The following EMCN variants were observed in gnomAD, a reference collection of about 807,000 sequenced individuals.
EMCN encodes endomucin.
EMCN carries 37 observed loss-of-function variants against 38.4 expected under a neutral mutation model. The ratio of observed to expected loss-of-function variants is 0.96; its 90% CI spans 0.74 to 1.27. The LOEUF is 1.27. EMCN is among the 50% of genes most tolerant of loss of function. The pLI, the probability that EMCN is intolerant of heterozygous loss-of-function variation, is 0.00. For missense variants in EMCN, 318 were observed against 302.8 expected, an observed-to-expected ratio of 1.05 and a Z score of -0.37; for synonymous variants, 95 against 100.8, an observed-to-expected ratio of 0.94 and a Z score of 0.35.
chr4:100,467,737 A>G (rs535442992), intron 3 of EMCN, among the ~76,000 whole-genome samples: 1 of 151,124 alleles, frequency 6.6e-6, no homozygotes, highest in Non-Finnish European at 1.5e-5. Flanking sequence ...CATCTTTTTG[A>G]GAAAATTTTT....
chr4:100,515,502 A>G (rs1328356636), intron 1 of EMCN, among the ~76,000 whole-genome samples: 1 of 152,134 alleles, frequency 6.6e-6, no homozygotes, highest in Non-Finnish European at 1.5e-5. Context: ...AAACAGCATG[A>G]AAGACTGTAT....
chr4:100,428,625 G>A (rs1727117058), intron 5 of EMCN, among the ~76,000 whole-genome samples: 1 of 152,124 alleles, frequency 6.6e-6, no homozygotes, highest in African/African-American at 2.4e-5. Context: ...ACTAATCACT[G>A]AATGTATAAA....
intron 1 of EMCN, among the ~76,000 whole-genome samples, chr4:100,489,105 G>C (rs1209651331): frequency 6.6e-6 from 1 of 152,104 alleles, no homozygotes; most frequent in East Asian, 1.9e-4. Context: ...GACTTTTGAA[G>C]ATGCAGTCAG....
intron 9 of EMCN, among the ~76,000 whole-genome samples, chr4:100,416,713 T>C (rs979516084): frequency 6.6e-6 from 1 of 152,190 alleles, no homozygotes; most frequent in African/African-American, 2.4e-5. Flanking sequence ...AAATCTGCTT[T>C]ATTTTAATCA....
At chr4:100,506,614 G>T (rs564564189) in intron 1 of EMCN, among the ~76,000 whole-genome samples, 1 of 150,984 alleles carries the variant, frequency 6.6e-6, no homozygotes, top group South Asian at 2.1e-4. Flanking sequence ...TTCTTTTATT[G>T]TTGTTATTGT....
chr4:100,418,518 C>T (rs1311601680), intron 8 of EMCN, among the ~76,000 whole-genome samples: 1 of 152,028 alleles, frequency 6.6e-6, no homozygotes, highest in Admixed American at 6.6e-5. Flanking sequence ...TTTTTGTACC[C>T]ATTAACCATC....
intron 1 of EMCN, among the ~76,000 whole-genome samples, chr4:100,501,120 G>A (rs6532865): frequency 0.42 from 64,127 of 151,700 alleles, 14,522 homozygotes; most frequent in East Asian, 0.71. Flanking sequence ...TTTTTTGTGT[G>A]TTTTCCTGAA....
chr4:100,505,326 T>C (rs1729455138), intron 1 of EMCN, among the ~76,000 whole-genome samples: 2 of 152,162 alleles, frequency 1.3e-5, no homozygotes, highest in Non-Finnish European at 2.9e-5. Context: ...AAAAACTCAC[T>C]GACCCTGTGG....
chr4:100,505,134 C>T (rs1729448548), intron 1 of EMCN, among the ~76,000 whole-genome samples: 1 of 152,204 alleles, frequency 6.6e-6, no homozygotes, highest in African/African-American at 2.4e-5. Flanking sequence ...TTGGAGATGG[C>T]TCACACTCCT....
chr4:100,487,419 T>C (rs1728969061), intron 1 of EMCN, among the ~76,000 whole-genome samples: 1 of 152,132 alleles, frequency 6.6e-6, no homozygotes, highest in Admixed American at 6.5e-5. Context: ...CAGCACTGCT[T>C]TGTCCCTTTT....
chr4:100,399,581 A>G (rs1726201321), intron 11 of EMCN, among the ~76,000 whole-genome samples: 1 of 152,120 alleles, frequency 6.6e-6, no homozygotes, highest in African/African-American at 2.4e-5. Flanking sequence ...TTCCCAGAGC[A>G]TCTGTGGCTG....
chr4:100,406,494 A>G (rs1389097457), intron 11 of EMCN, among the ~76,000 whole-genome samples: 1 of 152,164 alleles, frequency 6.6e-6, no homozygotes. Context: ...TTGTTTACAC[A>G]AAAGTCATTC....
At position 100,479,912 on chromosome 4, in the gene EMCN, C is replaced by T. The variant is rs1728761192; in HGVS notation, c.187+5G>A. 6.2e-7 allele frequency: 1 copy of T among 1,600,088 alleles called. No individual in the cohort carries two copies. Among genetic ancestry groups the T allele is most frequent in the Admixed American group, 1.7e-5 (1 of 57,154 alleles). On this transcript the variant is annotated splice_donor_5th_base_variant and intron_variant, in intron 2 of 11. Coordinates refer to ENST00000296420, the MANE Select transcript of EMCN (RefSeq NM_016242.4). Reference sequence around the variant, plus strand: ...TAAACTAAATTTACTAACAGTTAATCCTACCTTTAGGAGTTGTTCCAGTTG... The same window carrying T: ...TAAACTAAATTTACTAACAGTTAATTCTACCTTTAGGAGTTGTTCCAGTTG...
intron 1 of EMCN, among the ~76,000 whole-genome samples, chr4:100,511,548 GTA>G (rs1729625038): frequency 6.6e-6 from 1 of 152,140 alleles, no homozygotes; most frequent in African/African-American, 2.4e-5. Context: ...TAACCTCACA[GTA>G]TAATTCATTA....
chr4:100,424,279 G>A (rs1358519911), intron 5 of EMCN, among the ~76,000 whole-genome samples: 3 of 152,068 alleles, frequency 2.0e-5, no homozygotes, highest in Non-Finnish European at 2.9e-5. Flanking sequence ...CGTGCAGTAT[G>A]AAGTGCTCTA....
chr4:100,515,291 C>T (rs549164488), intron 1 of EMCN, among the ~76,000 whole-genome samples: 60 of 152,154 alleles, frequency 3.9e-4, no homozygotes, highest in African/African-American at 1.2e-3. Context: ...TAGATTTAAA[C>T]GCCAGGGTAG....
intron 2 of EMCN, 85 bp downstream of exon 2, chr4:100,479,832 G>T: frequency 8.9e-7 from 1 of 1,126,332 alleles, no homozygotes; most frequent in Non-Finnish European, 1.2e-6. Context: ...ATAAGATCCC[G>T]AATTATTTTT....
At chr4:100,478,685 C>A (rs1387326508) in intron 2 of EMCN, among the ~76,000 whole-genome samples, 1 of 151,878 alleles carries the variant, frequency 6.6e-6, no homozygotes, top group Admixed American at 6.6e-5. Context: ...ATATAGCTGT[C>A]TATTTTTATA....
intron 10 of EMCN, among the ~76,000 whole-genome samples, chr4:100,411,950 GTTT>G (rs548008583): frequency 2.0e-5 from 3 of 151,072 alleles, no homozygotes; most frequent in Non-Finnish European, 4.4e-5. Flanking sequence ...TTACTCTGTG[GTTT>G]TTTTTTGTTG....
Sources: allele counts gnomAD v4.1 joint callset (sites outside exome capture counted in the v4.1 genomes callset), GRCh38; gene constraint gnomAD v4.1.1; transcripts MANE v1.5; gene names NCBI Gene and HGNC (gene_info 2026-07-23, HGNC 2026-07-21).